Variants in TRAPPC9 observed in about 807,000 individuals in gnomAD.
The protein encoded by TRAPPC9 is IKK2 binding protein.
In TRAPPC9, 83 loss-of-function variants were observed where a neutral mutation model predicts 124.0. The ratio of observed to expected loss-of-function variants is 0.67; its 90% CI spans 0.56 to 0.80. TRAPPC9 has a LOEUF of 0.80. Ranked by LOEUF, TRAPPC9 falls within the 30% of genes least tolerant of loss-of-function variation. TRAPPC9 has a pLI of 0.00. For missense variants in TRAPPC9, 1,302 were observed against 1,508.3 expected (o/e 0.86, Z 2.27); for synonymous variants, 638 against 617.5 (o/e 1.03, Z -0.49).
chr8:139,870,636 T>C (rs1828842446), intron 21 of TRAPPC9, among the ~76,000 whole-genome samples: 1 of 152,002 alleles, frequency 6.6e-6, no homozygotes, highest in Admixed American at 6.5e-5. Context: ...TACCATTAAG[T>C]GAAAAAATAA....
At chr8:140,243,028 G>T (rs1413669024) in intron 16 of TRAPPC9, among the ~76,000 whole-genome samples, 1 of 152,196 alleles carries the variant, frequency 6.6e-6, no homozygotes, top group Admixed American at 6.5e-5. Context: ...TGAGGGACTG[G>T]TACAAAACTG....
At chr8:139,861,124 G>A (rs1828114723) in intron 21 of TRAPPC9, among the ~76,000 whole-genome samples, 1 of 152,254 alleles carries the variant, frequency 6.6e-6, no homozygotes, top group Non-Finnish European at 1.5e-5. Flanking sequence ...CAAAGAAATA[G>A]CACTCGAACA....
chr8:139,992,197 C>T (rs896382549), intron 18 of TRAPPC9, among the ~76,000 whole-genome samples: 3 of 152,054 alleles, frequency 2.0e-5, no homozygotes, highest in African/African-American at 7.2e-5. Context: ...GTCCACAACA[C>T]AGGTAGAAAT....
intron 20 of TRAPPC9, among the ~76,000 whole-genome samples, chr8:139,906,791 T>C (rs1256027870): frequency 1.3e-5 from 2 of 152,176 alleles, no homozygotes; most frequent in Non-Finnish European, 2.9e-5. Flanking sequence ...GCTCACGCAG[T>C]GGCTCCTCAA....
chr8:140,075,995 A>G (rs1260312018), intron 17 of TRAPPC9, among the ~76,000 whole-genome samples: 1 of 152,212 alleles, frequency 6.6e-6, no homozygotes, highest in Non-Finnish European at 1.5e-5. Flanking sequence ...TGCTAATAAT[A>G]ACAGCTAACA....
At chr8:140,147,438 C>T (rs1011691536) in intron 17 of TRAPPC9, among the ~76,000 whole-genome samples, 4 of 152,186 alleles carry the variant, frequency 2.6e-5, no homozygotes, top group African/African-American at 9.7e-5. Flanking sequence ...GCCTTGTTCC[C>T]GGCATGAAGA....
At chr8:139,844,257 G>GA (rs769932901) in intron 21 of TRAPPC9, among the ~76,000 whole-genome samples, 9 of 152,216 alleles carry the variant, frequency 5.9e-5, no homozygotes, top group Non-Finnish European at 1.2e-4. Context: ...CTTCCTATGT[G>GA]AAACAGGGCA....
At chr8:139,784,796 T>C (rs1822110074) in intron 21 of TRAPPC9, among the ~76,000 whole-genome samples, 1 of 151,870 alleles carries the variant, frequency 6.6e-6, no homozygotes, top group Non-Finnish European at 1.5e-5. Flanking sequence ...ACAAAATATT[T>C]ACAGAAATTA....
chr8:139,885,736 T>G, intron 21 of TRAPPC9, 143 bp downstream of exon 21: 1 of 801,912 alleles, frequency 1.2e-6, no homozygotes, highest in Non-Finnish European at 2.1e-6. Context: ...GAGCCCGTCT[T>G]TTTCCCCCAA....
chr8:140,206,473 T>C (rs2062919645), intron 17 of TRAPPC9, among the ~76,000 whole-genome samples: 1 of 152,188 alleles, frequency 6.6e-6, no homozygotes, highest in Non-Finnish European at 1.5e-5. Context: ...ATTCTCTGTA[T>C]CCTGTCTTCC....
chr8:140,291,321 G>C (rs994689433), intron 11 of TRAPPC9: 5 of 570,042 alleles, frequency 8.8e-6, no homozygotes, highest in Non-Finnish European at 1.6e-5. Flanking sequence ...TCGGCGGGCT[G>C]CATTCATGCT....
chr8:139,765,271 A>G (rs1177402911), intron 21 of TRAPPC9, among the ~76,000 whole-genome samples: 2 of 152,180 alleles, frequency 1.3e-5, no homozygotes, highest in Non-Finnish European at 2.9e-5. Flanking sequence ...AGGAGAAGGG[A>G]GGAAAAGCCA....
chr8:140,169,158 CTA>C (rs1247906645), intron 17 of TRAPPC9, among the ~76,000 whole-genome samples: 1 of 150,922 alleles, frequency 6.6e-6, no homozygotes, highest in Non-Finnish European at 1.5e-5. Flanking sequence ...AATAAAATTG[CTA>C]TTAGTTTTTT....
chr8:139,735,851 A>G (rs1675436), intron 21 of TRAPPC9, among the ~76,000 whole-genome samples: 29,203 of 152,054 alleles, frequency 0.19, 3,125 homozygotes, highest in African/African-American at 0.29. Flanking sequence ...CCCTGTGAAC[A>G]CTGCTGGTGG....
chr8:139,837,342 G>T (rs915487468), intron 21 of TRAPPC9, among the ~76,000 whole-genome samples: 1 of 152,076 alleles, frequency 6.6e-6, no homozygotes, highest in African/African-American at 2.4e-5. Flanking sequence ...AGGGTCTTCC[G>T]GCTCCCACCT....
chr8:139,810,468 A>G (rs985451345), intron 21 of TRAPPC9, among the ~76,000 whole-genome samples: 1 of 152,128 alleles, frequency 6.6e-6, no homozygotes, highest in Non-Finnish European at 1.5e-5. Context: ...GAAACTGGCC[A>G]CTACAGGAGT....
chr8:140,129,446 G>A (rs1049441494), intron 17 of TRAPPC9, among the ~76,000 whole-genome samples: 1 of 152,326 alleles, frequency 6.6e-6, no homozygotes. Flanking sequence ...GGGAGAAGAA[G>A]CGATCCCAGG....
chr8:139,933,546 C>T (rs185926246), intron 19 of TRAPPC9: 329 of 152,400 alleles, frequency 2.2e-3, no homozygotes, highest in Middle Eastern at 3.4e-3. Context: ...CTCGATCAGA[C>T]GCCTCCCGCC....
At chr8:140,017,851 CT>C (rs941089334) in intron 18 of TRAPPC9, among the ~76,000 whole-genome samples, 14 of 150,318 alleles carry the variant, frequency 9.3e-5, no homozygotes, top group East Asian at 5.8e-4. Context: ...GCATGGTATA[CT>C]TTTTTTTTTG....
Sources: gnomAD v4.1 joint callset for allele counts (sites outside exome capture counted in the v4.1 genomes callset) on GRCh38, gnomAD v4.1.1 for gene constraint, MANE v1.5 for transcripts, NCBI Gene and HGNC (gene_info 2026-07-23, HGNC 2026-07-21) for gene names.